PACRG: variants seen among roughly 807,000 people sequenced by gnomAD.
PACRG encodes parkin coregulated gene protein.
A neutral mutation model predicts 29.7 loss-of-function variants in PACRG; 29 were observed. The observed-to-expected ratio is 0.98, with a 90% CI of 0.73 to 1.33. The LOEUF (loss-of-function observed/expected upper bound fraction) is 1.33. Among genes scored for constraint, PACRG ranks in the 40% most tolerant of loss-of-function variants. PACRG has a pLI of 0.00. For synonymous variants in PACRG, 116 were observed against 118.7 expected (o/e 0.98, Z 0.15); for missense variants, 279 against 316.2 (o/e 0.88, Z 0.89).
At chr6:162,730,820 T>C (rs1179684616) in intron 1 of PACRG, among the ~76,000 whole-genome samples, 1 of 152,194 alleles carries the variant, frequency 6.6e-6, no homozygotes, top group Non-Finnish European at 1.5e-5. Flanking sequence ...CACATTTTTA[T>C]AGTGCTTGCC....
At chr6:163,181,768 T>C (rs1779684787) in intron 4 of PACRG, among the ~76,000 whole-genome samples, 1 of 152,142 alleles carries the variant, frequency 6.6e-6, no homozygotes. Context: ...TAAATGTGTT[T>C]TAACTCACGG....
intron 4 of PACRG, among the ~76,000 whole-genome samples, chr6:163,227,258 A>G (rs1020726972): frequency 6.6e-6 from 1 of 152,118 alleles, no homozygotes; most frequent in Non-Finnish European, 1.5e-5. Context: ...ACATCACAAG[A>G]TGAAAGCAGG....
chr6:162,984,579 T>C (rs2128176058), intron 2 of PACRG, among the ~76,000 whole-genome samples: 1 of 152,204 alleles, frequency 6.6e-6, no homozygotes, highest in Admixed American at 6.5e-5. Context: ...TTTTAGTTCT[T>C]TGAGGAATCT....
At chr6:163,218,719 C>T (rs1220836760) in intron 4 of PACRG, among the ~76,000 whole-genome samples, 1 of 152,222 alleles carries the variant, frequency 6.6e-6, no homozygotes, top group South Asian at 2.1e-4. Context: ...GCTCACAGGT[C>T]GCTCCCTCAT....
intron 3 of PACRG, among the ~76,000 whole-genome samples, chr6:163,084,326 T>A (rs1334383708): frequency 1.3e-5 from 2 of 152,146 alleles, no homozygotes; most frequent in Non-Finnish European, 2.9e-5. Flanking sequence ...GGAAAAGAAC[T>A]GTTTCAAAAA....
chr6:162,745,905 G>A (rs1405662794), intron 1 of PACRG, among the ~76,000 whole-genome samples: 1 of 151,998 alleles, frequency 6.6e-6, no homozygotes, highest in Admixed American at 6.5e-5. Context: ...CAAAGTTACT[G>A]TCATTTTGGG....
At chr6:162,845,391 C>CT (rs930253719) in intron 2 of PACRG, among the ~76,000 whole-genome samples, 277 of 138,022 alleles carry the variant, frequency 2.0e-3, no homozygotes, top group African/African-American at 5.1e-3. Flanking sequence ...ATTTTTTTTT[C>CT]TTTTTTTTTT....
intron 1 of PACRG, among the ~76,000 whole-genome samples, chr6:162,752,491 A>G (rs1230414510): frequency 1.3e-5 from 2 of 152,192 alleles, no homozygotes; most frequent in African/African-American, 4.8e-5. Flanking sequence ...CCTGATTGTG[A>G]CAAGGACAAA....
At chr6:163,258,717 A>G (rs937517209) in intron 4 of PACRG, among the ~76,000 whole-genome samples, 3 of 150,992 alleles carry the variant, frequency 2.0e-5, no homozygotes, top group African/African-American at 7.3e-5. Flanking sequence ...AGATGGCGCC[A>G]CTGCACTCCA....
chr6:163,234,169 G>A (rs1414873461), intron 4 of PACRG, among the ~76,000 whole-genome samples: 1 of 152,126 alleles, frequency 6.6e-6, no homozygotes, highest in Non-Finnish European at 1.5e-5. Flanking sequence ...TTTGGGTATG[G>A]TTTGGATATA....
intron 4 of PACRG, among the ~76,000 whole-genome samples, chr6:163,119,960 C>T (rs1359746845): frequency 6.6e-6 from 1 of 152,170 alleles, no homozygotes; most frequent in Non-Finnish European, 1.5e-5. Flanking sequence ...ACCAAATGTT[C>T]ATCATTTCTG....
chr6:162,730,680 A>G lies in PACRG; in HGVS notation c.156+2289A>G, dbSNP rs1264483547. 4.6e-5 allele frequency among the ~76,000 whole-genome samples: 7 copies of G among 152,100 alleles called. No homozygotes were observed. In the East Asian group the frequency reaches 1.3e-3, roughly 29 times the overall value. ...AAAATAATGATAAATGTAAATGGCA[A>G]AATTTTTAAAATCTCAATGTCAAAT... On this transcript the variant is annotated intron_variant, in intron 1 of 4. Transcript: ENST00000366888.
At chr6:162,947,611 C>CATATATATATATAATCATAT (rs1799279479) in intron 2 of PACRG, among the ~76,000 whole-genome samples, 8 of 27,988 alleles carry the variant, frequency 2.9e-4, no homozygotes, top group Admixed American at 5.5e-4. Flanking sequence ...TATATATAAT[C>CATATATATATATAATCATAT]ATATATATAT....
intron 2 of PACRG, among the ~76,000 whole-genome samples, chr6:163,019,486 G>A (rs1366692457): frequency 6.6e-6 from 1 of 152,168 alleles, no homozygotes; most frequent in East Asian, 1.9e-4. Flanking sequence ...TGTACTAGAA[G>A]GGAAATGGGG....
chr6:163,220,084 C>G (rs1240122096), intron 4 of PACRG, among the ~76,000 whole-genome samples: 1 of 152,162 alleles, frequency 6.6e-6, no homozygotes, highest in Non-Finnish European at 1.5e-5. Context: ...CCAGTCCAAG[C>G]AAGGATGCCG....
intron 2 of PACRG, among the ~76,000 whole-genome samples, chr6:162,852,952 C>A (rs536541310): frequency 6.6e-6 from 1 of 152,318 alleles, no homozygotes. Context: ...TGCTGCCCAG[C>A]CGTCAAAGCC....
chr6:163,281,319 A>G (rs2143073), intron 4 of PACRG, among the ~76,000 whole-genome samples: 1,699 of 152,300 alleles, frequency 0.011, 34 homozygotes, highest in African/African-American at 0.039. Context: ...TTGCCATTGA[A>G]GAAGCCCTTG....
intron 2 of PACRG, among the ~76,000 whole-genome samples, chr6:162,975,658 T>A (rs1319977775): frequency 6.6e-6 from 1 of 152,222 alleles, no homozygotes; most frequent in Non-Finnish European, 1.5e-5. Context: ...GCTTCACAAC[T>A]TTAATTTTTA....
At chr6:163,253,681 T>C (rs1172950336) in intron 4 of PACRG, among the ~76,000 whole-genome samples, 1 of 152,198 alleles carries the variant, frequency 6.6e-6, no homozygotes, top group Non-Finnish European at 1.5e-5. Context: ...CTGTCAGTTT[T>C]ATAAATAGAA....
Sources: gnomAD v4.1 joint callset for allele counts (sites outside exome capture counted in the v4.1 genomes callset) on GRCh38, gnomAD v4.1.1 for gene constraint, MANE v1.5 for transcripts, NCBI Gene and HGNC (gene_info 2026-07-23, HGNC 2026-07-21) for gene names.